Variants in SLC4A8 observed in about 807,000 individuals in gnomAD.
SLC4A8 encodes the protein solute carrier family 4 member 8.
A neutral mutation model predicts 125.0 loss-of-function variants in SLC4A8; 40 were observed. The ratio of observed to expected loss-of-function variants is 0.32; its 90% CI spans 0.25 to 0.42. SLC4A8 has a LOEUF of 0.42. SLC4A8 is among the 10% of genes least tolerant of loss of function. The probability of loss-of-function intolerance (pLI) is 1.00; values close to 1 mark genes in which losing one functional copy is unlikely to be tolerated. For synonymous variants in SLC4A8, 456 were observed against 476.0 expected (o/e 0.96, Z 0.55); for missense variants, 863 against 1,355.1 (o/e 0.64, Z 5.70).
upstream of SLC4A8, among the ~76,000 whole-genome samples, chr12:51,420,956 T>G (rs955394352): frequency 3.3e-5 from 5 of 152,076 alleles, no homozygotes; most frequent in African/African-American, 1.2e-4. Flanking sequence ...TACCTCAGAG[T>G]TGTTGCAAGG....
chr12:51,438,911 CTATT>C (rs113702828), intron 1 of SLC4A8, among the ~76,000 whole-genome samples: 8,523 of 152,096 alleles, frequency 0.056, 709 homozygotes, highest in African/African-American at 0.18. Context: ...TATTTGTTGA[CTATT>C]TGTTTGTCTT....
intron 1 of SLC4A8, among the ~76,000 whole-genome samples, chr12:51,396,170 T>C (rs773069366): frequency 6.6e-5 from 10 of 152,260 alleles, no homozygotes; most frequent in Non-Finnish European, 1.2e-4. Flanking sequence ...AAGCAGTCAG[T>C]TGAAATTTGG....
intron 15 of SLC4A8, 38 bp downstream of exon 15, chr12:51,474,485 C>T: frequency 6.3e-7 from 1 of 1,599,816 alleles, no homozygotes; most frequent in Admixed American, 1.7e-5. Flanking sequence ...AGCATTGTGA[C>T]CACAGGTTTA....
chr12:51,474,467 G>C lies in SLC4A8; in HGVS notation c.2010+20G>C. Reference sequence around the variant, plus strand: ...GTCAGTGTAAGTCTGGGAGCTGCCAGATGTCCTAGCATTGTGACCACAGGT... The same window carrying C: ...GTCAGTGTAAGTCTGGGAGCTGCCACATGTCCTAGCATTGTGACCACAGGT... On this transcript the variant is annotated intron_variant, in intron 15 of 24. Transcript: ENST00000453097. 1.2e-6 allele frequency: 2 copies of C among 1,610,320 alleles called. No individual in the cohort carries two copies. Among genetic ancestry groups the C allele is most frequent in the Non-Finnish European group, 1.7e-6 (2 of 1,177,822 alleles).
Position 51,425,250 on chromosome 12 carries a change from G to C in SLC4A8, c.48+215G>C, listed in dbSNP as rs147176864. 4.4e-4 allele frequency: 587 copies of C among 1,348,964 alleles called. 4 individuals are homozygous for C. The African/African-American group carries it at 8.4e-3, about 19-fold the overall frequency. The allele number at this position is 1,348,964 out of a possible 1,614,324, so 83.6% of individuals were successfully genotyped here. The stretch of plus-strand genomic sequence containing the variant: ...GACCTTGGGCCGAACCTGGGATCTG[G>C]CCCATCTCTGCCGCATCCCTTGCGC... On this transcript the variant is annotated intron_variant, in intron 1 of 24. Transcript: ENST00000453097.
At chr12:51,499,540 A>G (rs76314488) in intron 22 of SLC4A8, among the ~76,000 whole-genome samples, 1,626 of 151,952 alleles carry the variant, frequency 0.011, 72 homozygotes, top group East Asian at 0.08. Context: ...GACCGACCAC[A>G]TGGAGCTTAC....
At chr12:51,502,964 C>G (rs930034024) in intron 22 of SLC4A8, among the ~76,000 whole-genome samples, 2 of 151,446 alleles carry the variant, frequency 1.3e-5, no homozygotes, top group Admixed American at 6.6e-5. Context: ...GCCTCAGCCT[C>G]CCGAGTAGCT....
chr12:51,452,762 G>T (rs929839078), intron 4 of SLC4A8, among the ~76,000 whole-genome samples: 1 of 152,196 alleles, frequency 6.6e-6, no homozygotes, highest in Non-Finnish European at 1.5e-5. Context: ...CTGACTGTAG[G>T]CTTCCTGAAG....
intron 23 of SLC4A8, 69 bp downstream of exon 23, chr12:51,504,189 G>T (rs971429621): frequency 2.0e-5 from 19 of 940,070 alleles, no homozygotes; most frequent in Non-Finnish European, 3.0e-5. Context: ...TTGTGGTGGT[G>T]GTGGTGTCAC....
intron 11 of SLC4A8, among the ~76,000 whole-genome samples, chr12:51,464,835 A>G (rs75160386): frequency 0.029 from 4,471 of 152,306 alleles, 105 homozygotes; most frequent in Non-Finnish European, 0.045. Context: ...CAATCTTGGA[A>G]ATTCAGGGAG....
intron 4 of SLC4A8, among the ~76,000 whole-genome samples, chr12:51,453,000 T>G (rs1950015471): frequency 1.3e-5 from 2 of 152,168 alleles, no homozygotes; most frequent in Non-Finnish European, 2.9e-5. Context: ...GGCTGAGAGA[T>G]TCAAACAGGC....
intron 1 of SLC4A8, among the ~76,000 whole-genome samples, chr12:51,433,884 G>GTTT (rs1565772495): frequency 6.9e-5 from 5 of 72,208 alleles, no homozygotes; most frequent in East Asian, 3.7e-4. Flanking sequence ...TTTTTGGTTG[G>GTTT]TTTTTTTTTG....
intron 1 of SLC4A8, among the ~76,000 whole-genome samples, chr12:51,435,648 T>C (rs1488698465): frequency 6.6e-6 from 1 of 152,130 alleles, no homozygotes; most frequent in Non-Finnish European, 1.5e-5. Flanking sequence ...AAAATAAAAG[T>C]GACCTTATGA....
chr12:51,492,576 T>C (rs1182380421), intron 19 of SLC4A8, among the ~76,000 whole-genome samples: 1 of 152,192 alleles, frequency 6.6e-6, no homozygotes, highest in African/African-American at 2.4e-5. Context: ...ACAATTCTCT[T>C]AGGACAACTA....
intron 2 of SLC4A8, among the ~76,000 whole-genome samples, chr12:51,443,593 T>G (rs1368448230): frequency 6.6e-6 from 1 of 152,162 alleles, no homozygotes; most frequent in Admixed American, 6.5e-5. Flanking sequence ...TGGCAGATCA[T>G]TATTCCTGAT....
At chr12:51,441,179 A>T in intron 2 of SLC4A8, 1 of 984,986 alleles carries the variant, frequency 1.0e-6, no homozygotes, top group Non-Finnish European at 1.2e-6. Context: ...TTAAAAACTC[A>T]TTTTGGCTAC....
chr12:51,474,324 T>A lies in SLC4A8; in HGVS notation c.1905-18T>A. 2.0e-6 allele frequency: 3 copies of A among 1,515,010 alleles called. No homozygotes were observed. Among genetic ancestry groups the A allele is most frequent in the Non-Finnish European group, 2.7e-6 (3 of 1,098,310 alleles). 93.8% of individuals were successfully genotyped at this position (1,515,010 alleles called of 1,614,324 possible). ...TTTGGCTGTTTTCCTCAGGAATCTT[T>A]TTAATTTTTCCCCTCAGCTGCAGGT... On this transcript the variant is annotated intron_variant, in intron 14 of 24. Coordinates refer to ENST00000453097, the MANE Select transcript of SLC4A8 (RefSeq NM_001039960.3).
intron 2 of SLC4A8, among the ~76,000 whole-genome samples, chr12:51,442,849 A>G (rs1949645880): frequency 6.6e-6 from 1 of 152,104 alleles, no homozygotes; most frequent in Non-Finnish European, 1.5e-5. Flanking sequence ...CAGCCCTAGG[A>G]CTCAATGAGG....
intron 1 of SLC4A8, among the ~76,000 whole-genome samples, chr12:51,395,093 G>C (rs2137908409): frequency 6.6e-6 from 1 of 152,178 alleles, no homozygotes. Context: ...AAATGAAATG[G>C]AAAATAAAAA....
Sources: gnomAD v4.1 joint callset for allele counts (sites outside exome capture counted in the v4.1 genomes callset) on GRCh38, gnomAD v4.1.1 for gene constraint, MANE v1.5 for transcripts, NCBI Gene and HGNC (gene_info 2026-07-23, HGNC 2026-07-21) for gene names.